The following GFRA2 variants were observed in gnomAD, a reference collection of about 807,000 sequenced individuals.
The protein encoded by GFRA2 is GDNF family receptor alpha-2.
In GFRA2, 17 loss-of-function variants were observed where a neutral mutation model predicts 48.3. The ratio of observed to expected loss-of-function variants is 0.35; its 90% confidence interval spans 0.24 to 0.53. The LOEUF is 0.53. GFRA2 is among the 20% of genes least tolerant of loss of function. The pLI is 0.93. For missense variants in GFRA2, 660 were observed against 637.3 expected (o/e 1.04, Z -0.38); for synonymous variants, 305 against 257.2 (o/e 1.19, Z -1.78).
intron 2 of GFRA2, among the ~76,000 whole-genome samples, chr8:21,794,859 A>G (rs1230382332): frequency 3.3e-5 from 5 of 152,210 alleles, no homozygotes; most frequent in African/African-American, 1.2e-4. Context: ...GATCCCAAAG[A>G]ATGAACAGGG....
At chr8:21,713,994 G>A (rs1311979576) in intron 4 of GFRA2, among the ~76,000 whole-genome samples, 1 of 152,174 alleles carries the variant, frequency 6.6e-6, no homozygotes, top group Non-Finnish European at 1.5e-5. Context: ...GAGTGCACGT[G>A]TTTGTGTACA....
intron 3 of GFRA2, among the ~76,000 whole-genome samples, chr8:21,756,208 C>T (rs942036440): frequency 3.9e-5 from 6 of 152,312 alleles, no homozygotes; most frequent in African/African-American, 9.6e-5. Flanking sequence ...TTATAGCCTC[C>T]GTGGCTTCCA....
intron 4 of GFRA2, among the ~76,000 whole-genome samples, chr8:21,732,799 C>T (rs1018189946): frequency 6.6e-6 from 1 of 152,240 alleles, no homozygotes; most frequent in Non-Finnish European, 1.5e-5. Flanking sequence ...CACTTAACCA[C>T]TTCAACACAT....
intron 3 of GFRA2, among the ~76,000 whole-genome samples, chr8:21,769,818 T>C (rs1024569921): frequency 6.6e-6 from 1 of 152,144 alleles, no homozygotes; most frequent in African/African-American, 2.4e-5. Flanking sequence ...TCAGAGGCCG[T>C]ATGCAAGGCT....
At chr8:21,703,813 C>A (rs1483279761) in intron 6 of GFRA2, among the ~76,000 whole-genome samples, 1 of 152,208 alleles carries the variant, frequency 6.6e-6, no homozygotes, top group African/African-American at 2.4e-5. Flanking sequence ...CCACTGTGTG[C>A]CCCTGTGAGC....
chr8:21,695,647 A>C (rs1356510363), intron 7 of GFRA2, among the ~76,000 whole-genome samples: 1 of 152,098 alleles, frequency 6.6e-6, no homozygotes, highest in African/African-American at 2.4e-5. Flanking sequence ...TGCCCTCTGC[A>C]GAAGGGCACG....
rs1802553271 is a variant in GFRA2, at chr8:21,702,885, T to C, written c.1138A>G (p.Lys380Glu). Reference sequence around the variant, plus strand: ...AGGTCATCTGGCAAAGAAGGCGTCTTCTCCACCCGAGGGGCCTGGGTGGCC... The same window carrying C: ...AGGTCATCTGGCAAAGAAGGCGTCTCCTCCACCCGAGGGGCCTGGGTGGCC... ...FQATQAPRVE[K>E]TPSLPDDLSD... The change falls in exon 7 of 9, where the codon AAG becomes GAG. Residue 380 changes from lysine to glutamate, a missense_variant. Coordinates refer to ENST00000524240, the MANE Select transcript of GFRA2 (RefSeq NM_001495.5). 1 of 1,607,018 alleles carries C rather than the reference T, an allele frequency of 6.2e-7. No individual in the cohort carries two copies. The highest frequency in any genetic ancestry group is 1.1e-5 in the South Asian group (1 of 90,438).
At chr8:21,808,524 C>G (rs957979788) in intron 1 of GFRA2, among the ~76,000 whole-genome samples, 4 of 152,202 alleles carry the variant, frequency 2.6e-5, no homozygotes, top group Admixed American at 6.5e-5. Flanking sequence ...TTCCGTTAAC[C>G]CTCCTTATGA....
intron 7 of GFRA2, among the ~76,000 whole-genome samples, chr8:21,696,893 G>C (rs1219585457): frequency 6.9e-6 from 1 of 145,454 alleles, no homozygotes. Flanking sequence ...GAGGGGGAGG[G>C]GACAGAGTGA....
At chr8:21,802,735 T>C (rs1807792949) in intron 2 of GFRA2, among the ~76,000 whole-genome samples, 1 of 152,078 alleles carries the variant, frequency 6.6e-6, no homozygotes, top group African/African-American at 2.4e-5. Context: ...AGTGCAATAA[T>C]GTTTGGAAGC....
rs888079773 is a variant in GFRA2 at position 21,691,495 on chromosome 8, T to C, written c.*1783A>G. The C allele has an allele frequency of 1.3e-5, 2 of 152,194 alleles. No individual in the cohort carries two copies. The highest frequency in any genetic ancestry group is 4.8e-5 in the African/African-American group (2 of 41,416). The allele number at this position is 152,194 out of a possible 1,614,324, so 9.4% of individuals were successfully genotyped here. A position where few individuals can be genotyped will look rare whatever the true frequency, so the allele number is the denominator to read the frequency against. On this transcript the variant is annotated 3_prime_UTR_variant, in exon 9 of 9. Coordinates refer to ENST00000524240, the MANE Select transcript of GFRA2 (RefSeq NM_001495.5). ...GCTTTCAGACCATGACCCCAGAACATGCACAGTCATGTCCTTCTTCTCTGG... is the reference window on the plus strand; with the variant it reads ...GCTTTCAGACCATGACCCCAGAACACGCACAGTCATGTCCTTCTTCTCTGG...
intron 4 of GFRA2, among the ~76,000 whole-genome samples, chr8:21,737,748 C>T (rs1006355097): frequency 8.5e-5 from 13 of 152,150 alleles, no homozygotes; most frequent in Non-Finnish European, 1.9e-4. Context: ...CTCCACACCA[C>T]TCTCCCTGGC....
At chr8:21,747,192 GC>G (rs111325689) in intron 4 of GFRA2, among the ~76,000 whole-genome samples, 14 of 152,276 alleles carry the variant, frequency 9.2e-5, no homozygotes, top group Middle Eastern at 3.4e-3. Context: ...GTAGGATGCA[GC>G]CCCCAAGGTC....
chr8:21,806,919 A>G (rs1807883022), intron 1 of GFRA2, among the ~76,000 whole-genome samples: 1 of 152,216 alleles, frequency 6.6e-6, no homozygotes, highest in East Asian at 1.9e-4. Context: ...TGTTGGTTCT[A>G]TCTTCCTATC....
intron 6 of GFRA2, among the ~76,000 whole-genome samples, chr8:21,703,340 G>C (rs1353038890): frequency 5.3e-5 from 8 of 152,034 alleles, no homozygotes; most frequent in African/African-American, 1.9e-4. Context: ...ACCTCCCAAA[G>C]CTCCTCACCC....
intron 4 of GFRA2, among the ~76,000 whole-genome samples, chr8:21,724,708 A>C (rs1243572457): frequency 6.6e-6 from 1 of 152,150 alleles, no homozygotes; most frequent in Non-Finnish European, 1.5e-5. Context: ...GTGTACATAG[A>C]AACAACATAA....
chr8:21,754,520 T>G (rs1357654533), intron 3 of GFRA2, among the ~76,000 whole-genome samples: 1 of 150,920 alleles, frequency 6.6e-6, no homozygotes, highest in African/African-American at 2.4e-5. Context: ...TTTTTTTTTT[T>G]TTTTTGAGTC....
intron 7 of GFRA2, among the ~76,000 whole-genome samples, chr8:21,697,387 C>T (rs1362545236): frequency 6.6e-6 from 1 of 151,976 alleles, no homozygotes; most frequent in Non-Finnish European, 1.5e-5. Flanking sequence ...TCATCTGATG[C>T]TGATTATCAG....
At chr8:21,794,233 C>CA (rs1807628842) in intron 2 of GFRA2, among the ~76,000 whole-genome samples, 2 of 66,992 alleles carry the variant, frequency 3.0e-5, no homozygotes, top group Admixed American at 1.9e-4. Context: ...CTGAGAGTGA[C>CA]TTTTTTTTTT....
Sources: gnomAD v4.1 joint callset for allele counts (sites outside exome capture counted in the v4.1 genomes callset) on GRCh38, gnomAD v4.1.1 for gene constraint, MANE v1.5 for transcripts, NCBI Gene and HGNC (gene_info 2026-07-23, HGNC 2026-07-21) for gene names.